Variants in SOX5 observed in about 807,000 individuals in gnomAD.
The protein encoded by SOX5 is SRY-box transcription factor 5.
A neutral mutation model predicts 92.0 loss-of-function variants in SOX5; 9 were observed. The observed-to-expected ratio is 0.10, with a 90% CI of 0.06 to 0.17. The LOEUF is 0.17. Among genes scored for constraint, SOX5 ranks in the 10% least tolerant of loss-of-function variants. The probability of loss-of-function intolerance (pLI) is 1.00; values close to 1 mark genes in which losing one functional copy is unlikely to be tolerated. For synonymous variants in SOX5, 344 were observed against 336.3 expected (o/e 1.02, Z -0.25); for missense variants, 642 against 944.5 (o/e 0.68, Z 4.20).
intron 2 of SOX5, among the ~76,000 whole-genome samples, chr12:23,895,521 T>G (rs551035025): frequency 6.6e-6 from 1 of 152,324 alleles, no homozygotes; most frequent in South Asian, 2.1e-4. Flanking sequence ...TACTTTAACA[T>G]TATTTTTATA....
At chr12:23,779,493 T>C (rs1048125671) in intron 3 of SOX5, among the ~76,000 whole-genome samples, 4 of 151,308 alleles carry the variant, frequency 2.6e-5, no homozygotes, top group African/African-American at 9.7e-5. Context: ...TAACCAATCA[T>C]GGTTAGTTTT....
At chr12:24,449,740 A>G (rs1288739717) in intron 1 of SOX5, among the ~76,000 whole-genome samples, 1 of 152,242 alleles carries the variant, frequency 6.6e-6, no homozygotes, top group Non-Finnish European at 1.5e-5. Flanking sequence ...TTTTGAAGTA[A>G]TAAGAACCAT....
chr12:23,736,186 G>A (rs984516484), intron 5 of SOX5, among the ~76,000 whole-genome samples: 1 of 151,954 alleles, frequency 6.6e-6, no homozygotes, highest in Non-Finnish European at 1.5e-5. Flanking sequence ...TCTTGGCCGG[G>A]TGTGGTGGCT....
At chr12:24,435,703 C>A (rs1014413891) in intron 1 of SOX5, among the ~76,000 whole-genome samples, 1 of 152,196 alleles carries the variant, frequency 6.6e-6, no homozygotes, top group Admixed American at 6.6e-5. Context: ...ATACACAAGC[C>A]ATAATATAGC....
At chr12:24,061,026 G>C (rs945807090) in intron 4 of SOX5, among the ~76,000 whole-genome samples, 3 of 152,070 alleles carry the variant, frequency 2.0e-5, no homozygotes, top group Non-Finnish European at 1.5e-5. Context: ...AAAGAGCCCA[G>C]TATCACCTCA....
chr12:24,379,695 C>G (rs151035603), intron 1 of SOX5, among the ~76,000 whole-genome samples: 3 of 152,264 alleles, frequency 2.0e-5, no homozygotes, highest in Non-Finnish European at 2.9e-5. Context: ...GTGTGACTCC[C>G]GGGTTCCAAC....
chr12:24,029,972 T>G (rs11047218), intron 4 of SOX5, among the ~76,000 whole-genome samples: 27,826 of 151,842 alleles, frequency 0.18, 2,647 homozygotes, highest in Non-Finnish European at 0.21. Flanking sequence ...TCATGTGTAT[T>G]AATACCTTTC....
intron 2 of SOX5, among the ~76,000 whole-genome samples, chr12:23,851,195 G>A (rs959923419): frequency 6.6e-6 from 1 of 152,008 alleles, no homozygotes; most frequent in Non-Finnish European, 1.5e-5. Context: ...TAAGCATTTA[G>A]AAAGAGATAC....
At position 23,584,730 on chromosome 12, in the gene SOX5, AGTGT is replaced by A. The variant is rs34653390; in HGVS notation, c.1165-8896_1165-8893del. ...AGAACCTTGGAGAAGGACAGGTGTG[AGTGT>A]GTGTGTGTGTGTGTATGTGTGTGTG... On this transcript the variant is annotated intron_variant, in intron 9 of 14. Coordinates refer to ENST00000451604, the MANE Select transcript of SOX5 (RefSeq NM_006940.6). The A allele has an allele frequency of 9.3e-3, 5,481 of 590,888 alleles. 209 individuals carry two copies. The Admixed American group carries it at 0.094, about 10-fold the overall frequency. 36.6% of individuals were successfully genotyped at this position (590,888 alleles called of 1,614,324 possible).
At chr12:23,896,076 A>C in intron 1 of SOX5, 52 bp from the exon 2 acceptor site, 1 of 1,271,344 alleles carries the variant, frequency 7.9e-7, no homozygotes, top group Non-Finnish European at 1.1e-6. Flanking sequence ...TAAATCCTTA[A>C]TGCCGTCATT....
At chr12:23,816,113 T>C (rs978772310) in intron 3 of SOX5, among the ~76,000 whole-genome samples, 1 of 152,104 alleles carries the variant, frequency 6.6e-6, no homozygotes, top group South Asian at 2.1e-4. Context: ...CATACAATAC[T>C]ACGCTGAGGT....
chr12:23,826,271 G>A (rs955282865), intron 3 of SOX5, among the ~76,000 whole-genome samples: 1 of 150,684 alleles, frequency 6.6e-6, no homozygotes, highest in Non-Finnish European at 1.5e-5. Context: ...GAGATCATGT[G>A]GTGTTTGGGT....
chr12:24,107,970 T>G (rs539411011), intron 4 of SOX5, among the ~76,000 whole-genome samples: 1 of 152,286 alleles, frequency 6.6e-6, no homozygotes, highest in South Asian at 2.1e-4. Flanking sequence ...GTGGCAGAGC[T>G]TCAAATAAAG....
chr12:24,510,746 TC>T (rs1381668323), intron 1 of SOX5, among the ~76,000 whole-genome samples: 3 of 152,136 alleles, frequency 2.0e-5, no homozygotes, highest in African/African-American at 7.2e-5. Flanking sequence ...AGATAGGAGA[TC>T]TGAAGAGAGG....
chr12:24,503,057 A>G (rs1169747120), intron 1 of SOX5, among the ~76,000 whole-genome samples: 1 of 152,242 alleles, frequency 6.6e-6, no homozygotes. Flanking sequence ...GGGATCGTGG[A>G]TCACAAAAAT....
At chr12:24,327,913 A>C (rs1950899061) in intron 2 of SOX5, among the ~76,000 whole-genome samples, 1 of 151,788 alleles carries the variant, frequency 6.6e-6, no homozygotes, top group South Asian at 2.1e-4. Flanking sequence ...GCTGGTCTCG[A>C]ACTTGTGACC....
chr12:24,254,595 C>T (rs1940803377), intron 3 of SOX5, among the ~76,000 whole-genome samples: 1 of 151,860 alleles, frequency 6.6e-6, no homozygotes, highest in African/African-American at 2.4e-5. Context: ...CAGAAGGTAG[C>T]ATGGGTACTT....
chr12:24,469,765 A>C (rs1236795896), intron 1 of SOX5, among the ~76,000 whole-genome samples: 1 of 152,296 alleles, frequency 6.6e-6, no homozygotes, highest in Non-Finnish European at 1.5e-5. Context: ...CTGGGTATCC[A>C]CAGGGGAGGA....
At chr12:24,473,297 T>C (rs1412085185) in intron 1 of SOX5, among the ~76,000 whole-genome samples, 1 of 152,030 alleles carries the variant, frequency 6.6e-6, no homozygotes, top group Non-Finnish European at 1.5e-5. Flanking sequence ...GCAAATTTCA[T>C]GGTGAGATGC....
Sources: allele counts gnomAD v4.1 joint callset (sites outside exome capture counted in the v4.1 genomes callset), GRCh38; gene constraint gnomAD v4.1.1; transcripts MANE v1.5; gene names NCBI Gene and HGNC (gene_info 2026-07-23, HGNC 2026-07-21).